Variants in KNL1 observed in about 807,000 individuals in gnomAD.
KNL1 encodes outer kinetochore KNL1 complex subunit KNL1.
Under a neutral mutation model 201.3 loss-of-function variants are expected in KNL1, and 66 were observed. The observed-to-expected ratio is 0.33, with a 90% CI of 0.27 to 0.40. The LOEUF is 0.40. Ranked by LOEUF, KNL1 falls within the 10% of genes least tolerant of loss-of-function variation. The pLI is 1.00. For missense variants in KNL1, 2,815 were observed against 2,690.5 expected (o/e 1.05, Z -1.02); for synonymous variants, 895 against 899.2 (o/e 1.00, Z 0.08).
In KNL1 at chr15:40,623,887, T is replaced by C; in HGVS notation, c.3623T>C (p.Val1208Ala). Residue 1208 changes from valine (V) to alanine (A), a missense_variant, in exon 10 of 26, where the codon GTT becomes GCT. Coordinates refer to ENST00000399668, the MANE Select transcript of KNL1 (RefSeq NM_144508.5). ...GVSFPKDNSC[V>A]QEIAEKQALA... ...TCCTTTCCTAAGGATAATAGCTGTG[T>C]TCAAGAAATCGCTGAAAAACAAGCA... 1 of 1,613,570 alleles carries C rather than the reference T, an allele frequency of 6.2e-7. No individual in the cohort carries two copies. Among genetic ancestry groups the C allele is most frequent in the Non-Finnish European group, 8.5e-7 (1 of 1,179,914 alleles).
chr15:40,597,943 G>T (rs547423192), intron 1 of KNL1, among the ~76,000 whole-genome samples: 1 of 152,172 alleles, frequency 6.6e-6, no homozygotes, highest in Non-Finnish European at 1.5e-5. Flanking sequence ...AGGCCGAGGC[G>T]GGCAGATCAC....
intron 1 of KNL1, among the ~76,000 whole-genome samples, chr15:40,601,224 TAC>T (rs1891781987): frequency 6.6e-6 from 1 of 152,264 alleles, no homozygotes; most frequent in African/African-American, 2.4e-5. Context: ...GCGGGCTCCT[TAC>T]GAGAGTCTAA....
intron 1 of KNL1, among the ~76,000 whole-genome samples, chr15:40,597,793 G>T (rs992777690): frequency 6.6e-5 from 10 of 152,216 alleles, no homozygotes; most frequent in African/African-American, 1.2e-4. Context: ...TATGCTTAAT[G>T]ACTGTTTTAA....
At chr15:40,613,653 C>A (rs1438279998) in intron 7 of KNL1, among the ~76,000 whole-genome samples, 1 of 152,110 alleles carries the variant, frequency 6.6e-6, no homozygotes, top group Non-Finnish European at 1.5e-5. Flanking sequence ...GTTGGCCAGA[C>A]TGGAGTATAA....
At position 40,622,578 on chromosome 15, in the gene KNL1, A is replaced by G. The variant is rs375427628; in HGVS notation, c.2314A>G (p.Ile772Val). ...MDLTKSHTVV[I>V]GFGPSELQEL... ...TCTAACAAAGAGCCACACTGTCGTC[A>G]TTGGATTTGGTCCTTCTGAACTACA... is the stretch of plus-strand genomic sequence containing the variant. The change falls in exon 10 of 26, where the codon ATT (isoleucine) becomes GTT (valine). Residue 772 changes from isoleucine to valine, a missense_variant. Ile to Val is a conservative substitution (Grantham distance 29). Around this residue, in one of 3 missense-constraint regions of KNL1, gnomAD observed 2,464 missense variants for 2,291.7 expected, o/e 1.08. Transcript: ENST00000399668. The G allele has an allele frequency of 3.7e-6, 6 of 1,611,926 alleles. No homozygotes were observed. The Admixed American group carries it at 6.7e-5, about 18-fold the overall frequency.
At chr15:40,627,194 C>T (rs553473224) in intron 10 of KNL1, among the ~76,000 whole-genome samples, 1 of 152,328 alleles carries the variant, frequency 6.6e-6, no homozygotes, top group East Asian at 1.9e-4. Flanking sequence ...AGCGCCCAGC[C>T]CCCTTAATAG....
intron 13 of KNL1, among the ~76,000 whole-genome samples, chr15:40,636,656 C>A (rs1054514961): frequency 6.6e-6 from 1 of 151,950 alleles, no homozygotes; most frequent in Non-Finnish European, 1.5e-5. Context: ...TGGTGAAACC[C>A]CCCCTCTACC....
rs752385134 is a variant in KNL1, at chr15:40,606,436, G to C, written c.119G>C (p.Gly40Ala). The C allele has an allele frequency of 1.9e-6, 3 of 1,567,328 alleles. No individual in the cohort carries two copies. In the South Asian group the frequency reaches 3.3e-5, roughly 17 times the overall value. ...AGTCCTCTTCAGGACCTCAGAGGTG[G>C]GAATGAAAGAGTTCAGGTAAGTCTT... is the stretch of plus-strand genomic sequence containing the variant. ...PRSPLQDLRG[G>A]NERVQESNAL... The change falls in exon 4 of 26, where the codon GGG (glycine) becomes GCG (alanine). Residue 40 changes from glycine to alanine, a missense_variant. Physicochemically the swap from Gly to Ala is moderately conservative, Grantham distance 60. Coordinates refer to ENST00000399668, the MANE Select transcript of KNL1 (RefSeq NM_144508.5).
intron 13 of KNL1, among the ~76,000 whole-genome samples, chr15:40,634,188 C>T (rs1431788985): frequency 6.6e-6 from 1 of 152,170 alleles, no homozygotes; most frequent in Non-Finnish European, 1.5e-5. Flanking sequence ...CTCACTGCAA[C>T]CTCCGACTCC....
chr15:40,633,310 C>A (rs375025541), intron 13 of KNL1, among the ~76,000 whole-genome samples: 738 of 119,850 alleles, frequency 6.2e-3, no homozygotes, highest in Middle Eastern at 0.017. Context: ...AACTCTGTCT[C>A]AAAAAAAAAA....
rs1282096096 is a variant in KNL1 at position 40,664,120 on chromosome 15, A to G, written c.*1932A>G. On this transcript the variant is annotated 3_prime_UTR_variant, in exon 26 of 26. Coordinates refer to ENST00000399668, the MANE Select transcript of KNL1 (RefSeq NM_144508.5). ...GAAAAGTAGAGATTTTGTTTTACGCATTTTAGTAACCTGCAACAACCAACT... is the reference window on the plus strand; with the variant it reads ...GAAAAGTAGAGATTTTGTTTTACGCGTTTTAGTAACCTGCAACAACCAACT... The G allele has an allele frequency of 5.4e-6, 1 of 184,056 alleles. No individual in the cohort carries two copies. Among genetic ancestry groups the G allele is most frequent in the Non-Finnish European group, 1.2e-5 (1 of 86,712 alleles). 11.4% of individuals were successfully genotyped at this position (184,056 alleles called of 1,614,324 possible).
rs536263335 is a variant in KNL1 at position 40,609,090 on chromosome 15, C to CA, written c.197+184dup. On this transcript the variant is annotated intron_variant, in intron 5 of 25. Coordinates refer to ENST00000399668, the MANE Select transcript of KNL1 (RefSeq NM_144508.5). ...ATTCCCTCTAAAGTCAGGAACAAAA[C>CA]AATGATATCCAACTGTTATTTGACA... Among the ~76,000 whole-genome samples the CA allele has an allele frequency of 2.0e-3, 301 of 152,070 alleles. 1 individual carries two copies. The highest frequency in any genetic ancestry group is 3.4e-3 in the Middle Eastern group (1 of 294).
Position 40,621,524 on chromosome 15 carries a change from A to G in KNL1, c.1260A>G (p.Pro420=), listed in dbSNP as rs1337018713. ...AMTPESIYSN[P]SIQGCKTVFY... is the part of the protein sequence containing the mutation. ...CCCCAGAATCTATATATTCTAATCC[A>G]TCTATTCAAGGTTGTAAGACTGTTT... The change falls in exon 10 of 26, where the codon CCA becomes CCG. Residue 420 remains proline, a synonymous_variant. Coordinates refer to ENST00000399668, the MANE Select transcript of KNL1 (RefSeq NM_144508.5). 7 of 1,613,326 alleles carry G rather than the reference A, an allele frequency of 4.3e-6. No homozygotes were observed. Among genetic ancestry groups the G allele is most frequent in the African/African-American group, 2.7e-5 (2 of 74,910 alleles).
At chr15:40,658,775 C>T (rs539884259) in intron 24 of KNL1, among the ~76,000 whole-genome samples, 27 of 149,372 alleles carry the variant, frequency 1.8e-4, no homozygotes, top group Non-Finnish European at 3.9e-4. Flanking sequence ...ACTGAAAATA[C>T]AAAAATTAGC....
chr15:40,600,280 G>A (rs970700339), intron 1 of KNL1, among the ~76,000 whole-genome samples: 8 of 152,116 alleles, frequency 5.3e-5, no homozygotes, highest in Non-Finnish European at 1.2e-4. Flanking sequence ...TCACCATGTT[G>A]GCCAGGCTGG....
At chr15:40,619,913 A>G (rs1892459855) in intron 9 of KNL1, among the ~76,000 whole-genome samples, 1 of 152,144 alleles carries the variant, frequency 6.6e-6, no homozygotes, top group African/African-American at 2.4e-5. Context: ...AAAGTAAATT[A>G]CTCGCAGACT....
chr15:40,652,120 T>C lies in KNL1; in HGVS notation c.6415+15T>C, dbSNP rs546758357. 9.7e-6 allele frequency: 15 copies of C among 1,551,940 alleles called. No individual in the cohort carries two copies. In the Admixed American group the frequency reaches 1.5e-4, roughly 16 times the overall value. ...AGAGTCAGTTGGTAAGGAGCCAAAG[T>C]GAGATAATTCTTTTACAGAAAAATG... On this transcript the variant is annotated intron_variant, in intron 21 of 25. Coordinates refer to ENST00000399668, the MANE Select transcript of KNL1 (RefSeq NM_144508.5).
At chr15:40,602,385 C>T (rs1374396668) in intron 1 of KNL1, among the ~76,000 whole-genome samples, 2 of 151,246 alleles carry the variant, frequency 1.3e-5, no homozygotes, top group African/African-American at 2.4e-5. Context: ...ATCCACCCGC[C>T]TCGGCCTCCC....
intron 4 of KNL1, 89 bp downstream of exon 4, chr15:40,606,541 G>A: frequency 1.4e-6 from 1 of 739,728 alleles, no homozygotes; most frequent in Admixed American, 2.0e-5. Context: ...AAGAGGAAAT[G>A]TGTAAGCATC....
Sources: allele counts gnomAD v4.1 joint callset (sites outside exome capture counted in the v4.1 genomes callset), GRCh38; gene constraint gnomAD v4.1.1; regional missense constraint gnomAD v4.1.1; transcripts MANE v1.5; gene names NCBI Gene and HGNC (gene_info 2026-07-23, HGNC 2026-07-21).